EHF: variants seen among roughly 807,000 people sequenced by gnomAD.
EHF encodes the protein ETS homologous factor.
In EHF, 14 loss-of-function variants were observed where a neutral mutation model predicts 45.1. The observed-to-expected ratio is 0.31, with a 90% CI of 0.21 to 0.49. EHF has a LOEUF of 0.49. Among genes scored for constraint, EHF ranks in the 20% least tolerant of loss-of-function variants. The pLI, the probability that EHF is intolerant of heterozygous loss-of-function variation, is 0.99. For missense variants in EHF, 282 were observed against 371.4 expected (o/e 0.76, Z 1.98); for synonymous variants, 136 against 131.8 (o/e 1.03, Z -0.22).
At chr11:34,631,556 C>A in intron 1 of EHF, 1 of 984,512 alleles carries the variant, frequency 1.0e-6, no homozygotes, top group Non-Finnish European at 1.2e-6. Context: ...CATCTCAGGC[C>A]CTTTCCACCT....
At chr11:34,622,242 G>C (rs542771970) in intron 1 of EHF, 1 of 268,438 alleles carries the variant, frequency 3.7e-6, no homozygotes, top group Non-Finnish European at 7.4e-6. Context: ...CATGCTCCCA[G>C]GATGGTGGGA....
intron 1 of EHF, chr11:34,622,412 T>A: frequency 7.8e-7 from 1 of 1,285,810 alleles, no homozygotes; most frequent in South Asian, 1.2e-5. Context: ...TCTGCAGCCA[T>A]GGAGGTAAAG....
rs1163164170 is a variant in EHF at position 34,660,709 on chromosome 11, C to T, written c.*1778C>T. 2 of 152,078 alleles carry T rather than the reference C, an allele frequency of 1.3e-5. No individual in the cohort carries two copies. Among genetic ancestry groups the T allele is most frequent in the African/African-American group, 2.4e-5 (1 of 41,408 alleles). The allele number at this position is 152,078 out of a possible 1,614,324, so 9.4% of individuals were successfully genotyped here. ...GTCCTTGGCTTGCTCCTCTATTCTA[C>T]CTCTCTTTCTCCAGCAATAATATGC... On this transcript the variant is annotated 3_prime_UTR_variant, in exon 9 of 9. Coordinates refer to ENST00000257831, the MANE Select transcript of EHF (RefSeq NM_012153.6).
chr11:34,658,753 A>T (rs1440963377), intron 8 of EHF, 25 bp downstream of exon 8: 1 of 1,609,254 alleles, frequency 6.2e-7, no homozygotes, highest in Non-Finnish European at 8.5e-7. Flanking sequence ...GTCTCTGAAA[A>T]CAAAAAGGCT....
rs1368780509 is a variant in EHF, at chr11:34,646,473, A to G, written c.132A>G (p.Glu44=). 9 of 1,613,890 alleles carry G rather than the reference A, an allele frequency of 5.6e-6. No individual in the cohort carries two copies. The South Asian group carries it at 9.9e-5, about 18-fold the overall frequency. ...GGTTTTTTGGAGGCCAGTGGCATGA[A>G]ATTCATCCTCAGTACTGGACCAAGT... ...SSGFFGGQWH[E]IHPQYWTKYQ... The change falls in exon 3 of 9, where the codon GAA becomes GAG. Residue 44 remains glutamate, a synonymous_variant. Transcript: ENST00000257831.
At chr11:34,632,341 G>A (rs1852972213) in intron 1 of EHF, 4 of 696,808 alleles carry the variant, frequency 5.7e-6, no homozygotes, top group African/African-American at 1.8e-5. Context: ...GATAACAGAA[G>A]CCCCTGCCAG....
At chr11:34,650,450 T>C (rs2134173758) in intron 4 of EHF, among the ~76,000 whole-genome samples, 1 of 152,324 alleles carries the variant, frequency 6.6e-6, no homozygotes, top group African/African-American at 2.4e-5. Context: ...TTAGCTAAAA[T>C]ACCGGCTAAA....
Position 34,660,369 on chromosome 11 carries a change from G to C in EHF, c.*1438G>C, listed in dbSNP as rs1451374229. On this transcript the variant is annotated 3_prime_UTR_variant, in exon 9 of 9. Coordinates refer to ENST00000257831, the MANE Select transcript of EHF (RefSeq NM_012153.6). ...TAATTTTTTGTCTTTTGGATTATCT[G>C]TTTACTGTCTCATCTGAACTGATCC... 3 of 152,058 alleles carry C rather than the reference G, an allele frequency of 2.0e-5. No individual in the cohort carries two copies. The highest frequency in any genetic ancestry group is 4.4e-5 in the Non-Finnish European group (3 of 67,996). The allele number at this position is 152,058 out of a possible 1,614,324, so 9.4% of individuals were successfully genotyped here.
At position 34,636,568 on chromosome 11, in the gene EHF, C is replaced by T. The variant is rs1565028645; in HGVS notation, c.-3-6060C>T. 5.9e-5 allele frequency among the ~76,000 whole-genome samples: 9 copies of T among 152,198 alleles called. No individual in the cohort carries two copies. The South Asian group carries it at 1.7e-3, about 28-fold the overall frequency. ...TTTACAAATAATCTCATTTAGTCCT[C>T]ATATTAGCTCCACCTTCCAAAGTGG... On this transcript the variant is annotated intron_variant, in intron 1 of 8. Coordinates refer to ENST00000257831, the MANE Select transcript of EHF (RefSeq NM_012153.6).
In EHF at chr11:34,649,267, G is replaced by C. The variant is rs544528926; in HGVS notation, c.406+186G>C. Among the ~76,000 whole-genome samples the C allele has an allele frequency of 1.8e-4, 27 of 152,254 alleles. 1 individual carries two copies. In the South Asian group the frequency reaches 5.4e-3, roughly 30 times the overall value. On this transcript the variant is annotated intron_variant, in intron 4 of 8. Coordinates refer to ENST00000257831, the MANE Select transcript of EHF (RefSeq NM_012153.6). ...ATTCTTGCCCTTGCGACCAGTGACT[G>C]CCACCTATTTCCAATTTATAGACTT...
At chr11:34,646,382 G>A in intron 2 of EHF, 57 bp from the exon 3 acceptor site, 3 of 1,605,430 alleles carry the variant, frequency 1.9e-6, no homozygotes, top group Non-Finnish European at 2.5e-6. Context: ...CCCTGTGTCA[G>A]ATACTATGGC....
At chr11:34,624,343 G>GC (rs1303755228) in intron 1 of EHF, 1 of 985,096 alleles carries the variant, frequency 1.0e-6, no homozygotes, top group Non-Finnish European at 1.2e-6. Flanking sequence ...GGCGGGGATT[G>GC]CCATCTGAAG....
At chr11:34,653,331 C>T (rs973230350) in intron 6 of EHF, among the ~76,000 whole-genome samples, 1 of 152,176 alleles carries the variant, frequency 6.6e-6, no homozygotes, top group African/African-American at 2.4e-5. Context: ...CTCTGCTGCC[C>T]TGACAGCTGG....
At chr11:34,631,026 A>ATTTTAT (rs931779736) in intron 1 of EHF, among the ~76,000 whole-genome samples, 4 of 151,990 alleles carry the variant, frequency 2.6e-5, no homozygotes, top group African/African-American at 9.7e-5. Context: ...ATATTATATT[A>ATTTTAT]TTTTATTTTT....
intron 1 of EHF, among the ~76,000 whole-genome samples, chr11:34,631,920 G>GGGCTGGCTGGA (rs1242342357): frequency 2.0e-5 from 3 of 152,182 alleles, no homozygotes; most frequent in African/African-American, 7.2e-5. Flanking sequence ...ATCTGAACCT[G>GGGCTGGCTGGA]GGCTGGCTGG....
intron 1 of EHF, chr11:34,624,344 C>T: frequency 1.0e-6 from 1 of 985,086 alleles, no homozygotes; most frequent in Non-Finnish European, 1.2e-6. Context: ...GCGGGGATTG[C>T]CATCTGAAGA....
At chr11:34,637,058 G>C (rs931948930) in intron 1 of EHF, among the ~76,000 whole-genome samples, 1 of 149,730 alleles carries the variant, frequency 6.7e-6, no homozygotes, top group African/African-American at 2.5e-5. Context: ...AAAGACATGC[G>C]GCACTACTAG....
At chr11:34,656,859 A>G in intron 6 of EHF, 49 bp from the exon 7 acceptor site, 1 of 1,592,194 alleles carries the variant, frequency 6.3e-7, no homozygotes, top group Non-Finnish European at 8.6e-7. Flanking sequence ...AATAAAAAAG[A>G]GAATTATAGG....
At chr11:34,658,511 C>T (rs1164733325) in intron 7 of EHF, 22 bp from the exon 8 acceptor site, 1 of 1,602,380 alleles carries the variant, frequency 6.2e-7, no homozygotes, top group Non-Finnish European at 8.5e-7. Context: ...CATTAGTAAC[C>T]TGCCTTTCTG....
Sources: gnomAD v4.1 joint callset for allele counts (sites outside exome capture counted in the v4.1 genomes callset) on GRCh38, gnomAD v4.1.1 for gene constraint, MANE v1.5 for transcripts, NCBI Gene and HGNC (gene_info 2026-07-23, HGNC 2026-07-21) for gene names.